Variants in PTBP3 observed in about 807,000 individuals in gnomAD.
PTBP3 encodes polypyrimidine tract binding protein 3, also known as polypyrimidine tract-binding protein 3.
PTBP3 carries 20 observed loss-of-function variants against 58.7 expected under a neutral mutation model. The ratio of observed to expected loss-of-function variants is 0.34; its 90% CI spans 0.24 to 0.50. The LOEUF (loss-of-function observed/expected upper bound fraction) is 0.50, where lower values mean the gene tolerates loss of function less well. Ranked by LOEUF, PTBP3 falls within the 20% of genes least tolerant of loss-of-function variation. PTBP3 has a pLI of 0.98. For synonymous variants in PTBP3, 185 were observed against 219.8 expected (o/e 0.84, Z 1.40); for missense variants, 509 against 637.2 (o/e 0.80, Z 2.17).
chr9:112,341,368 G>A, the PTBP3 span, among the ~76,000 whole-genome samples: 1 of 152,188 alleles, frequency 6.6e-6, no homozygotes, highest in African/African-American at 2.4e-5. Context: ...CTGACTTCCA[G>A]TGATCCGCCT....
intron 3 of PTBP3, 79 bp from the exon 4 acceptor site, chr9:112,268,274 G>T: frequency 2.1e-6 from 3 of 1,429,308 alleles, no homozygotes; most frequent in East Asian, 2.4e-5. Flanking sequence ...ATTCTAGCTT[G>T]CTCTAAACCC....
At chr9:112,244,440 G>A (rs1386815562) in intron 7 of PTBP3, among the ~76,000 whole-genome samples, 1 of 151,960 alleles carries the variant, frequency 6.6e-6, no homozygotes, top group Non-Finnish European at 1.5e-5. Flanking sequence ...TTGGGAAGCA[G>A]AGTTTGGAGG....
chr9:112,281,989 C>T (rs983163525), intron 2 of PTBP3, among the ~76,000 whole-genome samples: 5 of 44,638 alleles, frequency 1.1e-4, no homozygotes, highest in Admixed American at 2.6e-4. Context: ...TATTTGCTGG[C>T]TGACTTTTCA....
At chr9:112,249,489 G>A (rs147275436) in intron 7 of PTBP3, among the ~76,000 whole-genome samples, 30 of 152,152 alleles carry the variant, frequency 2.0e-4, no homozygotes, top group Middle Eastern at 3.4e-3. Context: ...AAAAAGAAGT[G>A]AATAGTGAAA....
chr9:112,327,043 C>A (rs996895241), intron 1 of PTBP3, among the ~76,000 whole-genome samples: 2 of 151,476 alleles, frequency 1.3e-5, no homozygotes, highest in Admixed American at 6.6e-5. Context: ...CATGGTGAGG[C>A]CTTCGTCTCT....
At chr9:112,342,211 C>T in the PTBP3 span, among the ~76,000 whole-genome samples, 2 of 152,208 alleles carry the variant, frequency 1.3e-5, no homozygotes, top group African/African-American at 4.8e-5. Flanking sequence ...CTTCTAGTTT[C>T]TCAGGCCTTT....
chr9:112,345,504 T>C, the PTBP3 span, among the ~76,000 whole-genome samples: 1 of 151,642 alleles, frequency 6.6e-6, no homozygotes. Context: ...GCCTCCTCAG[T>C]AGCTGGGACC....
chr9:112,242,143 T>C (rs1835684532), intron 7 of PTBP3, among the ~76,000 whole-genome samples: 1 of 152,160 alleles, frequency 6.6e-6, no homozygotes, highest in Non-Finnish European at 1.5e-5. Context: ...TATATATTTT[T>C]TAGAGATGGG....
chr9:112,281,379 A>C (rs1038456944), intron 2 of PTBP3: 5 of 152,252 alleles, frequency 3.3e-5, no homozygotes, highest in African/African-American at 1.2e-4. Flanking sequence ...CTCAAACAGA[A>C]GAAATTTACT....
chr9:112,231,650 TC>T lies in PTBP3; in HGVS notation c.1021-238del, dbSNP rs1463128430. The stretch of plus-strand genomic sequence containing the variant: ...TAGGCATGGTGGCTCACACCTGTAA[TC>T]CCAGCACTTTGGGAGGCTGAGGTGT... On this transcript the variant is annotated intron_variant, in intron 9 of 13. Coordinates refer to ENST00000374257, the MANE Select transcript of PTBP3 (RefSeq NM_001163788.4). Among the ~76,000 whole-genome samples the T allele has an allele frequency of 3.3e-5, 5 of 152,044 alleles. No homozygotes were observed. The East Asian group carries it at 9.7e-4, about 29-fold the overall frequency.
At chr9:112,233,414 T>A (rs532741103) in intron 8 of PTBP3, among the ~76,000 whole-genome samples, 1 of 151,812 alleles carries the variant, frequency 6.6e-6, no homozygotes, top group Non-Finnish European at 1.5e-5. Context: ...ATAGAGTATA[T>A]CTAAAAGAAA....
the PTBP3 span, among the ~76,000 whole-genome samples, chr9:112,362,509 T>C: frequency 6.6e-6 from 1 of 152,234 alleles, no homozygotes; most frequent in Non-Finnish European, 1.5e-5. Flanking sequence ...ATTATTTTAA[T>C]TCTTATGAAG....
At chr9:112,297,272 C>T (rs546885405) in intron 2 of PTBP3, among the ~76,000 whole-genome samples, 4 of 152,262 alleles carry the variant, frequency 2.6e-5, no homozygotes, top group South Asian at 2.1e-4. Context: ...TGGCACGTTT[C>T]GGCTCCCTGC....
chr9:112,298,673 TAAA>T (rs1828794936), intron 1 of PTBP3: 1 of 371,074 alleles, frequency 2.7e-6, no homozygotes, highest in East Asian at 7.2e-5. Context: ...CACTGGATAA[TAAA>T]AATTAATCCC....
chr9:112,241,846 T>C (rs1449649918), intron 7 of PTBP3, among the ~76,000 whole-genome samples: 1 of 152,236 alleles, frequency 6.6e-6, no homozygotes, highest in African/African-American at 2.4e-5. Context: ...CACTGATCTT[T>C]CTCACACTAT....
intron 2 of PTBP3, among the ~76,000 whole-genome samples, chr9:112,284,172 G>A (rs774770324): frequency 4.6e-5 from 7 of 152,168 alleles, no homozygotes; most frequent in South Asian, 2.1e-4. Context: ...TGAGAAGAGC[G>A]CCACTGTCCT....
chr9:112,333,008 C>G, intron 1 of PTBP3: 1 of 1,280,480 alleles, frequency 7.8e-7, no homozygotes, highest in Admixed American at 4.1e-5. Context: ...CACCCGCCGT[C>G]GGCCGCTCGC....
intron 2 of PTBP3, among the ~76,000 whole-genome samples, chr9:112,280,772 TG>T (rs1187276567): frequency 1.1e-4 from 6 of 53,326 alleles, no homozygotes; most frequent in Non-Finnish European, 2.0e-4. Flanking sequence ...TGTGTATGTG[TG>T]TGTGTGTGTG....
intron 2 of PTBP3, among the ~76,000 whole-genome samples, chr9:112,293,063 T>C (rs1361439208): frequency 6.6e-6 from 1 of 152,010 alleles, no homozygotes; most frequent in East Asian, 1.9e-4. Context: ...ACGAAAGGGA[T>C]TGGGGCAATA....
Sources: allele counts gnomAD v4.1 joint callset (sites outside exome capture counted in the v4.1 genomes callset), GRCh38; gene constraint gnomAD v4.1.1; transcripts MANE v1.5; gene names NCBI Gene and HGNC (gene_info 2026-07-23, HGNC 2026-07-21).